Variants in COLEC12 observed in about 807,000 individuals in gnomAD.
COLEC12 encodes collectin-12.
COLEC12 carries 33 observed loss-of-function variants against 71.1 expected under a neutral mutation model. The ratio of observed to expected loss-of-function variants is 0.46; its 90% CI spans 0.35 to 0.62. The LOEUF (loss-of-function observed/expected upper bound fraction) is 0.62, where lower values mean the gene tolerates loss of function less well. COLEC12 is among the 20% of genes least tolerant of loss of function. The probability of loss-of-function intolerance (pLI) is 0.00; values close to 1 mark genes in which losing one functional copy is unlikely to be tolerated. For missense variants in COLEC12, 765 were observed against 916.1 expected (o/e 0.84, Z 2.13); for synonymous variants, 350 against 353.0 (o/e 0.99, Z 0.10).
intron 2 of COLEC12, among the ~76,000 whole-genome samples, chr18:465,349 C>T (rs1168579696): frequency 6.6e-6 from 1 of 152,158 alleles, no homozygotes; most frequent in African/African-American, 2.4e-5. Flanking sequence ...GTGATCCGCC[C>T]ACCCTGACTC....
chr18:350,254 A>G (rs762911845), intron 3 of COLEC12, among the ~76,000 whole-genome samples: 1 of 152,104 alleles, frequency 6.6e-6, no homozygotes, highest in Admixed American at 6.5e-5. Context: ...GTCTCACGAG[A>G]TCTGATGGGT....
intron 8 of COLEC12, among the ~76,000 whole-genome samples, chr18:330,856 A>C (rs1433222030): frequency 6.7e-6 from 1 of 150,204 alleles, no homozygotes; most frequent in Admixed American, 6.8e-5. Context: ...TATGAGTAGG[A>C]AAATCACACA....
chr18:483,268 C>A (rs890189658), intron 1 of COLEC12, among the ~76,000 whole-genome samples: 2 of 152,018 alleles, frequency 1.3e-5, no homozygotes, highest in African/African-American at 4.8e-5. Context: ...GGCGTGGTGG[C>A]AGGTGCCTGT....
intron 2 of COLEC12, among the ~76,000 whole-genome samples, chr18:433,090 T>C (rs1432202111): frequency 6.6e-6 from 1 of 152,194 alleles, no homozygotes; most frequent in African/African-American, 2.4e-5. Flanking sequence ...ATTTTCAAAT[T>C]TAACATTCAG....
chr18:407,351 C>G (rs1338041892), intron 2 of COLEC12, among the ~76,000 whole-genome samples: 2 of 152,164 alleles, frequency 1.3e-5, no homozygotes, highest in Non-Finnish European at 2.9e-5. Flanking sequence ...AAGGGATTGG[C>G]TCATGCAGTT....
intron 8 of COLEC12, among the ~76,000 whole-genome samples, chr18:326,463 T>C (rs2143415857): frequency 6.6e-6 from 1 of 152,342 alleles, no homozygotes; most frequent in Middle Eastern, 3.4e-3. Context: ...TTCTCCTGCC[T>C]CAGCCTCCCG....
chr18:367,914 T>C (rs1361187684), intron 2 of COLEC12, among the ~76,000 whole-genome samples: 1 of 152,124 alleles, frequency 6.6e-6, no homozygotes, highest in Non-Finnish European at 1.5e-5. Flanking sequence ...CACAGTGAGA[T>C]GCTGTCTCTA....
intron 2 of COLEC12, among the ~76,000 whole-genome samples, chr18:446,234 T>C (rs1329531253): frequency 7.1e-6 from 1 of 141,792 alleles, no homozygotes; most frequent in Non-Finnish European, 1.6e-5. Flanking sequence ...TGTTTTAATT[T>C]CTCCTTGGTG....
chr18:439,708 A>C (rs1916476775), intron 2 of COLEC12, among the ~76,000 whole-genome samples: 1 of 152,212 alleles, frequency 6.6e-6, no homozygotes, highest in Admixed American at 6.5e-5. Flanking sequence ...TCAAGGGTGT[A>C]GAGAAAAGAA....
intron 2 of COLEC12, among the ~76,000 whole-genome samples, chr18:364,113 GT>G (rs1241171859): frequency 6.6e-6 from 1 of 152,024 alleles, no homozygotes; most frequent in Non-Finnish European, 1.5e-5. Context: ...GGTATAGTTT[GT>G]TTTCATTGAA....
intron 7 of COLEC12, 48 bp from the exon 8 acceptor site, chr18:331,825 GTC>G: frequency 9.0e-7 from 1 of 1,110,968 alleles, no homozygotes; most frequent in Non-Finnish European, 1.4e-6. Flanking sequence ...CAGAACAGAT[GTC>G]TCAGGCCTTT....
intron 2 of COLEC12, among the ~76,000 whole-genome samples, chr18:438,251 G>C (rs1916445599): frequency 6.6e-6 from 1 of 152,164 alleles, no homozygotes; most frequent in Admixed American, 6.5e-5. Flanking sequence ...AACCCAGCCT[G>C]AGAGAAGAAA....
At position 498,363 on chromosome 18, in the gene COLEC12, C is replaced by CTTTTTTTTTTTTTT. The variant is rs542727500; in HGVS notation, c.7+2131_7+2144dup. Among the ~76,000 whole-genome samples the CTTTTTTTTTTTTTT allele has an allele frequency of 7.7e-4, 78 of 100,724 alleles. 7 individuals carry two copies. The highest frequency in any genetic ancestry group is 2.7e-3 in the African/African-American group (58 of 21,882). The allele number at this position is 100,724 out of a possible 152,430, so 66.1% of individuals were successfully genotyped here. A position where few individuals can be genotyped will look rare whatever the true frequency, so the allele number is the denominator to read the frequency against. On this transcript the variant is annotated intron_variant, in intron 1 of 9. Coordinates refer to ENST00000400256, the MANE Select transcript of COLEC12 (RefSeq NM_130386.3). Reference sequence around the variant, plus strand: ...AAAACTCTCATGGAATATTTTTTTTCTTTTTTTTTTTTTTAGACGGAGTCT... The same window carrying CTTTTTTTTTTTTTT: ...AAAACTCTCATGGAATATTTTTTTTCTTTTTTTTTTTTTTTTTTTTTTTTTTTTAGACGGAGTCT...
intron 8 of COLEC12, among the ~76,000 whole-genome samples, chr18:330,789 C>T (rs981453211): frequency 8.6e-5 from 13 of 151,838 alleles, no homozygotes; most frequent in Admixed American, 7.2e-4. Flanking sequence ...ATCTTCAAAC[C>T]TCTAGGGGAT....
At chr18:498,363 C>CTTTTTTTTTTTTTTTTTTT (rs542727500) in intron 1 of COLEC12, among the ~76,000 whole-genome samples, 3 of 100,762 alleles carry the variant, frequency 3.0e-5, no homozygotes, top group Admixed American at 1.0e-4. Context: ...TATTTTTTTT[C>CTTTTTTTTTTTTTTTTTTT]TTTTTTTTTT....
intron 2 of COLEC12, among the ~76,000 whole-genome samples, chr18:395,751 T>G (rs1598350276): frequency 6.6e-6 from 1 of 152,160 alleles, no homozygotes; most frequent in East Asian, 1.9e-4. Context: ...ACCCAATGTT[T>G]CTTGTTAAAA....
rs528226804 is a variant in COLEC12 at position 446,928 on chromosome 18, T to C, written c.58+33779A>G. On this transcript the variant is annotated intron_variant, in intron 2 of 9. Transcript: ENST00000400256. ...ACAGGCTTTTGAAAAAATTCTATGTTCAACTCTTAACAGTTTACCTAGAGT... is the reference window on the plus strand; with the variant it reads ...ACAGGCTTTTGAAAAAATTCTATGTCCAACTCTTAACAGTTTACCTAGAGT... Among the ~76,000 whole-genome samples the C allele has an allele frequency of 7.9e-5, 12 of 152,318 alleles. No homozygotes were observed. The South Asian group carries it at 2.5e-3, about 32-fold the overall frequency.
chr18:383,662 C>A (rs999610583), intron 2 of COLEC12, among the ~76,000 whole-genome samples: 2 of 152,134 alleles, frequency 1.3e-5, no homozygotes, highest in African/African-American at 2.4e-5. Context: ...CCCTAACTGC[C>A]CCCTACCCAC....
At chr18:379,047 G>A (rs901054410) in intron 2 of COLEC12, among the ~76,000 whole-genome samples, 2 of 152,160 alleles carry the variant, frequency 1.3e-5, no homozygotes, top group Non-Finnish European at 1.5e-5. Flanking sequence ...AACGCAGGGT[G>A]CACTCTGGTC....
Sources: allele counts gnomAD v4.1 joint callset (sites outside exome capture counted in the v4.1 genomes callset), GRCh38; gene constraint gnomAD v4.1.1; transcripts MANE v1.5; gene names NCBI Gene and HGNC (gene_info 2026-07-23, HGNC 2026-07-21).